Variants in NTRK3 observed in about 807,000 individuals in gnomAD.
NTRK3 encodes the protein NT-3 growth factor receptor.
In NTRK3, 24 loss-of-function variants were observed where a neutral mutation model predicts 91.7. That is an observed-to-expected ratio of 0.26 (90% CI 0.19 to 0.37). NTRK3 has a LOEUF of 0.37. Ranked by LOEUF, NTRK3 falls within the 10% of genes least tolerant of loss-of-function variation. NTRK3 has a pLI of 1.00. For synonymous variants in NTRK3, 483 were observed against 404.0 expected (o/e 1.20, Z -2.34); for missense variants, 880 against 1,068.9 (o/e 0.82, Z 2.46).
chr15:87,930,759 T>C (rs1353312767), intron 16 of NTRK3, among the ~76,000 whole-genome samples: 1 of 152,170 alleles, frequency 6.6e-6, no homozygotes, highest in African/African-American at 2.4e-5. Context: ...CCTCGACTGA[T>C]AGAGCCTAGG....
chr15:88,224,425 C>A (rs1450363180), intron 3 of NTRK3, among the ~76,000 whole-genome samples: 6 of 152,234 alleles, frequency 3.9e-5, no homozygotes, highest in Non-Finnish European at 8.8e-5. Flanking sequence ...GGGGCCTCAA[C>A]AAGCTGGGTC....
intron 3 of NTRK3, among the ~76,000 whole-genome samples, chr15:88,186,727 A>G (rs910817735): frequency 6.6e-6 from 1 of 152,236 alleles, no homozygotes; most frequent in Non-Finnish European, 1.5e-5. Context: ...ATTTACTGTC[A>G]TCTATAGCTC....
chr15:88,089,867 T>C (rs6496461), intron 13 of NTRK3, among the ~76,000 whole-genome samples: 23,803 of 152,116 alleles, frequency 0.16, 2,866 homozygotes, highest in African/African-American at 0.33. Flanking sequence ...CCCACCTGCT[T>C]AAATGGCTGC....
chr15:88,043,800 A>C (rs1299122420), intron 13 of NTRK3, among the ~76,000 whole-genome samples: 10 of 152,206 alleles, frequency 6.6e-5, no homozygotes, highest in African/African-American at 2.4e-4. Flanking sequence ...TGATGCAGAG[A>C]AGAAGAAAAT....
At chr15:87,866,037 C>T (rs1230752050) in exon 19 of NTRK3, 4 of 230,828 alleles carry the variant, frequency 1.7e-5, no homozygotes, top group Non-Finnish European at 3.4e-5. Context: ...ATTTGTCTGG[C>T]CCTGTACAGT....
intron 13 of NTRK3, among the ~76,000 whole-genome samples, chr15:88,077,172 T>C (rs2047624223): frequency 6.6e-6 from 1 of 152,132 alleles, no homozygotes; most frequent in Non-Finnish European, 1.5e-5. Flanking sequence ...GACAGTTGGA[T>C]GGATATAAAT....
intron 3 of NTRK3, among the ~76,000 whole-genome samples, chr15:88,200,574 G>C (rs150846039): frequency 5.8e-4 from 89 of 152,288 alleles, no homozygotes; most frequent in Admixed American, 1.4e-3. Context: ...AGATCTGATG[G>C]TTTTATAAGG....
At chr15:87,961,937 C>T (rs1474459317) in intron 14 of NTRK3, among the ~76,000 whole-genome samples, 4 of 152,356 alleles carry the variant, frequency 2.6e-5, no homozygotes, top group South Asian at 2.1e-4. Context: ...GTGGGCCACA[C>T]ATGGCTGAGT....
chr15:88,046,882 G>A (rs8032073), intron 13 of NTRK3, among the ~76,000 whole-genome samples: 25,955 of 152,224 alleles, frequency 0.17, 3,550 homozygotes, highest in African/African-American at 0.38. Context: ...TTCAGCATGT[G>A]CAGGTATAAA....
At chr15:87,875,573 C>A (rs181993505) in exon 19 of NTRK3, 1 of 232,842 alleles carries the variant, frequency 4.3e-6, no homozygotes, top group East Asian at 6.1e-5. Context: ...CCCCAGCCCA[C>A]AAAAGTGATT....
chr15:88,178,943 C>T (rs2046233130), intron 5 of NTRK3, among the ~76,000 whole-genome samples: 1 of 152,178 alleles, frequency 6.6e-6, no homozygotes, highest in Non-Finnish European at 1.5e-5. Flanking sequence ...AAAAAACGCT[C>T]CTGGGACGTA....
chr15:87,866,814 T>G (rs1288020236), exon 19 of NTRK3: 1 of 199,082 alleles, frequency 5.0e-6, no homozygotes, highest in Non-Finnish European at 1.0e-5. Context: ...AGGCTTTTTT[T>G]TCCCCCTCAA....
intron 6 of NTRK3, among the ~76,000 whole-genome samples, chr15:88,140,662 T>A (rs961877983): frequency 6.6e-6 from 1 of 152,240 alleles, no homozygotes; most frequent in African/African-American, 2.4e-5. Context: ...GCAATGATGT[T>A]ATCACGTCCT....
intron 3 of NTRK3, among the ~76,000 whole-genome samples, chr15:88,226,659 C>T (rs535121237): frequency 1.3e-5 from 2 of 152,374 alleles, no homozygotes; most frequent in South Asian, 4.1e-4. Context: ...CGCACGGCCC[C>T]TATGGCTGAT....
At chr15:88,119,818 T>C (rs1009912783) in intron 13 of NTRK3, among the ~76,000 whole-genome samples, 5 of 152,212 alleles carry the variant, frequency 3.3e-5, no homozygotes, top group Non-Finnish European at 7.3e-5. Flanking sequence ...CTAAATGTAG[T>C]CAAATAAGTG....
At position 88,238,174 on chromosome 15, in the gene NTRK3, A is replaced by G. The variant is rs955200178; in HGVS notation, c.248+17732T>C. ...AACCCTGCCAACACCTTCATCTTGG[A>G]CTTCCAGCCTCCGGAACCATAAAAA... On this transcript the variant is annotated intron_variant, in intron 3 of 18. Transcript: ENST00000394480. 3.3e-5 allele frequency among the ~76,000 whole-genome samples: 5 copies of G among 152,286 alleles called. No homozygotes were observed. The East Asian group carries it at 9.6e-4, about 29-fold the overall frequency.
At chr15:88,242,073 G>A (rs1195459523) in intron 3 of NTRK3, among the ~76,000 whole-genome samples, 1 of 152,154 alleles carries the variant, frequency 6.6e-6, no homozygotes, top group Non-Finnish European at 1.5e-5. Flanking sequence ...CGGTTGCCTG[G>A]GAAGAGCACG....
chr15:88,252,589 A>G (rs1359694599), intron 3 of NTRK3: 5 of 152,316 alleles, frequency 3.3e-5, no homozygotes, highest in African/African-American at 1.2e-4. Context: ...ATACCACTCC[A>G]ACCCAGCCCC....
intron 13 of NTRK3, among the ~76,000 whole-genome samples, chr15:88,033,297 T>G (rs1221354500): frequency 1.4e-5 from 2 of 147,558 alleles, no homozygotes; most frequent in African/African-American, 5.1e-5. Flanking sequence ...TTTTTTCCAT[T>G]CTATAGGTTG....
Sources: gnomAD v4.1 joint callset for allele counts (sites outside exome capture counted in the v4.1 genomes callset) on GRCh38, gnomAD v4.1.1 for gene constraint, MANE v1.5 for transcripts, NCBI Gene and HGNC (gene_info 2026-07-23, HGNC 2026-07-21) for gene names.